Variants in NDST4 observed in about 807,000 individuals in gnomAD.
The protein encoded by NDST4 is N-deacetylase and N-sulfotransferase 4.
Under a neutral mutation model 100.8 loss-of-function variants are expected in NDST4, and 63 were observed. The ratio of observed to expected loss-of-function variants is 0.62; its 90% CI spans 0.51 to 0.77. The LOEUF (loss-of-function observed/expected upper bound fraction) is 0.77, where lower values mean the gene tolerates loss of function less well. NDST4 is among the 30% of genes least tolerant of loss of function. The pLI is 0.00. For missense variants in NDST4, 943 were observed against 1,018.4 expected (o/e 0.93, Z 1.01); for synonymous variants, 377 against 361.8 (o/e 1.04, Z -0.48).
chr4:115,090,499 C>T (rs1439492914), intron 1 of NDST4, among the ~76,000 whole-genome samples: 1 of 151,754 alleles, frequency 6.6e-6, no homozygotes, highest in African/African-American at 2.4e-5. Flanking sequence ...AATCCAGTCA[C>T]CTTTTTTTAT....
intron 2 of NDST4, among the ~76,000 whole-genome samples, chr4:115,047,503 AT>A (rs1463502327): frequency 6.6e-6 from 1 of 152,146 alleles, no homozygotes; most frequent in East Asian, 1.9e-4. Flanking sequence ...TTTATAACTT[AT>A]TTTTCAAAAG....
At chr4:114,840,942 T>G (rs1723411109) in intron 10 of NDST4, among the ~76,000 whole-genome samples, 1 of 152,212 alleles carries the variant, frequency 6.6e-6, no homozygotes, top group Non-Finnish European at 1.5e-5. Flanking sequence ...TTTATTGATA[T>G]TTTTACATGT....
chr4:115,013,125 T>C (rs1727591507), intron 2 of NDST4, among the ~76,000 whole-genome samples: 2 of 151,106 alleles, frequency 1.3e-5, no homozygotes, highest in Non-Finnish European at 1.5e-5. Flanking sequence ...TTAGAGAGAA[T>C]GAATAAGATC....
chr4:114,930,126 A>G (rs1484943478), intron 6 of NDST4, among the ~76,000 whole-genome samples: 4 of 152,236 alleles, frequency 2.6e-5, no homozygotes, highest in African/African-American at 9.6e-5. Context: ...CAATTTTTAA[A>G]AATTATTTTA....
At chr4:115,018,179 C>A (rs1458352846) in intron 2 of NDST4, among the ~76,000 whole-genome samples, 2 of 151,712 alleles carry the variant, frequency 1.3e-5, no homozygotes, top group South Asian at 2.1e-4. Flanking sequence ...ATAATTTATA[C>A]TCAAAAGTAC....
intron 6 of NDST4, among the ~76,000 whole-genome samples, chr4:114,911,559 G>A (rs1725062780): frequency 6.6e-6 from 1 of 151,956 alleles, no homozygotes. Flanking sequence ...GGGCCTACTT[G>A]GAAGAAAATC....
At chr4:115,067,104 T>C (rs1329633374) in intron 2 of NDST4, among the ~76,000 whole-genome samples, 1 of 152,202 alleles carries the variant, frequency 6.6e-6, no homozygotes, top group African/African-American at 2.4e-5. Context: ...GGTCTTATGC[T>C]ACACTTGCCA....
At chr4:114,906,396 G>A (rs1184176460) in intron 6 of NDST4, among the ~76,000 whole-genome samples, 1 of 151,616 alleles carries the variant, frequency 6.6e-6, no homozygotes, top group African/African-American at 2.4e-5. Flanking sequence ...GTTATGAAAG[G>A]AGATATTCGG....
intron 6 of NDST4, among the ~76,000 whole-genome samples, chr4:114,894,446 G>T (rs1724669358): frequency 1.3e-5 from 2 of 152,048 alleles, no homozygotes; most frequent in Non-Finnish European, 2.9e-5. Flanking sequence ...TCTTTGAAGA[G>T]GTCATTACAT....
At chr4:115,018,390 T>C (rs1287494375) in intron 2 of NDST4, among the ~76,000 whole-genome samples, 2 of 151,952 alleles carry the variant, frequency 1.3e-5, no homozygotes, top group Non-Finnish European at 2.9e-5. Context: ...TTTTTCCACA[T>C]AAACAATATG....
chr4:114,873,302 AAATTT>A (rs1222978289), intron 6 of NDST4, among the ~76,000 whole-genome samples: 2 of 151,840 alleles, frequency 1.3e-5, no homozygotes, highest in African/African-American at 2.4e-5. Flanking sequence ...TAAACCCCTT[AAATTT>A]AAGTTAAACC....
rs576564887 is a variant in NDST4, at chr4:114,973,737, A to G, written c.1067-3153T>C. On this transcript the variant is annotated intron_variant, in intron 3 of 13. Coordinates refer to ENST00000264363, the MANE Select transcript of NDST4 (RefSeq NM_022569.3). ...ATCTCCTTAAAAGTACAGTTATTAAATTAAGATATATATAATTTCAGTGTA... is the reference window on the plus strand; with the variant it reads ...ATCTCCTTAAAAGTACAGTTATTAAGTTAAGATATATATAATTTCAGTGTA... Among the ~76,000 whole-genome samples, 108 of 151,962 alleles carry G rather than the reference A, an allele frequency of 7.1e-4. 1 individual carries two copies. The highest frequency in any genetic ancestry group is 5.8e-4 in the East Asian group (3 of 5,176).
chr4:115,022,404 CAT>C (rs374089657), intron 2 of NDST4, among the ~76,000 whole-genome samples: 5 of 15,246 alleles, frequency 3.3e-4, no homozygotes, highest in South Asian at 1.7e-3. Flanking sequence ...ATATGTGTTC[CAT>C]ATATATGTGT....
intron 10 of NDST4, among the ~76,000 whole-genome samples, chr4:114,844,086 G>A (rs1723492846): frequency 6.8e-6 from 1 of 147,152 alleles, no homozygotes; most frequent in Admixed American, 7.1e-5. Context: ...TTGACACTAT[G>A]TTCTCACCAA....
At chr4:114,939,076 C>T (rs1259993912) in intron 4 of NDST4, among the ~76,000 whole-genome samples, 1 of 152,186 alleles carries the variant, frequency 6.6e-6, no homozygotes, top group African/African-American at 2.4e-5. Context: ...AGTTGTTACC[C>T]TGATATCACT....
At chr4:114,988,350 A>ATT (rs1560846225) in intron 2 of NDST4, among the ~76,000 whole-genome samples, 3 of 76,700 alleles carry the variant, frequency 3.9e-5, no homozygotes, top group African/African-American at 1.7e-4. Context: ...AGATACACAT[A>ATT]TCTTTTTTTT....
intron 2 of NDST4, among the ~76,000 whole-genome samples, chr4:115,007,196 T>A (rs1727439025): frequency 6.6e-6 from 1 of 152,176 alleles, no homozygotes; most frequent in African/African-American, 2.4e-5. Context: ...TACCATACTA[T>A]CACCTCCTTT....
Position 114,891,007 on chromosome 4 carries a change from C to T in NDST4, c.1537-20057G>A, listed in dbSNP as rs76979754. 6.1e-3 allele frequency among the ~76,000 whole-genome samples: 929 copies of T among 152,160 alleles called. 8 individuals carry two copies. The highest frequency in any genetic ancestry group is 0.016 in the African/African-American group (647 of 41,526). ...TTGTATTTGGCTTTGGGTTTGACCT[C>T]TACACCGAAACACCCTCCTCTTTTG... On this transcript the variant is annotated intron_variant, in intron 6 of 13. Coordinates refer to ENST00000264363, the MANE Select transcript of NDST4 (RefSeq NM_022569.3).
intron 2 of NDST4, among the ~76,000 whole-genome samples, chr4:115,039,654 A>G (rs546338522): frequency 6.6e-6 from 1 of 152,248 alleles, no homozygotes; most frequent in South Asian, 2.1e-4. Context: ...AATGTACACC[A>G]TGTCCCATGT....
Sources: gnomAD v4.1 joint callset for allele counts (sites outside exome capture counted in the v4.1 genomes callset) on GRCh38, gnomAD v4.1.1 for gene constraint, MANE v1.5 for transcripts, NCBI Gene and HGNC (gene_info 2026-07-23, HGNC 2026-07-21) for gene names.